Variants in ANK2 observed in about 807,000 individuals in gnomAD.
ANK2 encodes ankyrin-2.
ANK2 carries 83 observed loss-of-function variants against 360.5 expected under a neutral mutation model. The observed-to-expected ratio is 0.23, with a 90% confidence interval of 0.19 to 0.28. The LOEUF (loss-of-function observed/expected upper bound fraction) is 0.28, where lower values mean the gene tolerates loss of function less well. Ranked by LOEUF, ANK2 falls within the 10% of genes least tolerant of loss-of-function variation. The probability of loss-of-function intolerance (pLI) is 1.00; values close to 1 mark genes in which losing one functional copy is unlikely to be tolerated. For missense variants in ANK2, 4,201 were observed against 4,795.7 expected, an observed-to-expected ratio of 0.88 and a Z score of 3.66; for synonymous variants, 1,740 against 1,759.5, an observed-to-expected ratio of 0.99 and a Z score of 0.28.
intron 1 of ANK2, among the ~76,000 whole-genome samples, chr4:113,051,159 C>T (rs548337090): frequency 6.7e-6 from 1 of 150,302 alleles, no homozygotes; most frequent in East Asian, 2.0e-4. Flanking sequence ...AATTGAACAA[C>T]ATAAAAAAAG....
chr4:113,055,189 T>C (rs1310052278), intron 1 of ANK2, among the ~76,000 whole-genome samples: 1 of 151,982 alleles, frequency 6.6e-6, no homozygotes, highest in Non-Finnish European at 1.5e-5. Flanking sequence ...CCCCAGGAGT[T>C]TGAGACCAGC....
chr4:112,860,449 A>G (rs2067643998), intron 1 of ANK2, among the ~76,000 whole-genome samples: 1 of 152,054 alleles, frequency 6.6e-6, no homozygotes, highest in Non-Finnish European at 1.5e-5. Flanking sequence ...CTGGTCTCGA[A>G]CTCCTGACCT....
chr4:112,876,940 C>G (rs985393684), intron 1 of ANK2, among the ~76,000 whole-genome samples: 3 of 152,120 alleles, frequency 2.0e-5, no homozygotes, highest in African/African-American at 7.2e-5. Flanking sequence ...CTGAAAATGA[C>G]ATGGAACTGC....
At chr4:112,903,598 G>A (rs951832955) in intron 1 of ANK2, among the ~76,000 whole-genome samples, 1 of 152,152 alleles carries the variant, frequency 6.6e-6, no homozygotes, top group Non-Finnish European at 1.5e-5. Context: ...TACCAGAGGT[G>A]AAATCAAATC....
chr4:113,117,500 C>A, intron 1 of ANK2: 1 of 436,512 alleles, frequency 2.3e-6, no homozygotes, highest in South Asian at 1.6e-5. Flanking sequence ...CTTCATCCTC[C>A]CTTCCTTCCA....
the ANK2 span, among the ~76,000 whole-genome samples, chr4:112,741,357 T>C: frequency 2.0e-5 from 3 of 152,126 alleles, no homozygotes; most frequent in East Asian, 5.8e-4. Flanking sequence ...AGCCCAAGCA[T>C]CCCTTCAGTT....
the ANK2 span, among the ~76,000 whole-genome samples, chr4:112,754,809 T>A: frequency 6.6e-6 from 1 of 152,058 alleles, no homozygotes; most frequent in African/African-American, 2.4e-5. Context: ...GAGTGAGGGG[T>A]TCATGTAAAG....
chr4:112,858,302 A>T (rs193011935), intron 1 of ANK2, among the ~76,000 whole-genome samples: 65 of 152,316 alleles, frequency 4.3e-4, no homozygotes, highest in African/African-American at 1.6e-3. Context: ...TAAGGTTAGT[A>T]AAAAATAGAA....
At chr4:113,280,802 C>A (rs927718355) in intron 17 of ANK2, among the ~76,000 whole-genome samples, 1 of 152,154 alleles carries the variant, frequency 6.6e-6, no homozygotes, top group Non-Finnish European at 1.5e-5. Flanking sequence ...CTTTGATGAT[C>A]GCTTATGTTG....
At chr4:113,052,060 T>G (rs1296477859) in intron 1 of ANK2, among the ~76,000 whole-genome samples, 1 of 152,208 alleles carries the variant, frequency 6.6e-6, no homozygotes, top group Non-Finnish European at 1.5e-5. Flanking sequence ...TATGCTATAA[T>G]TGGAAACTTT....
intron 2 of ANK2, among the ~76,000 whole-genome samples, chr4:112,960,343 C>A (rs1161381588): frequency 6.7e-6 from 1 of 149,004 alleles, no homozygotes; most frequent in Non-Finnish European, 1.5e-5. Flanking sequence ...GCATTAGTGT[C>A]TGCCTTTTTT....
chr4:112,746,214 GA>G, the ANK2 span, among the ~76,000 whole-genome samples: 6 of 151,924 alleles, frequency 3.9e-5, no homozygotes, highest in African/African-American at 1.5e-4. Context: ...TAAAACAATT[GA>G]AAAATTATAT....
At chr4:112,947,760 GTTC>G (rs1377666379) in intron 2 of ANK2, among the ~76,000 whole-genome samples, 8 of 152,178 alleles carry the variant, frequency 5.3e-5, no homozygotes, top group Non-Finnish European at 7.4e-5. Flanking sequence ...TAACTGCAGT[GTTC>G]TTCTTTGGAT....
chr4:113,313,790 G>GGGGGGC (rs1554478780), intron 24 of ANK2: 3 of 143,258 alleles, frequency 2.1e-5, no homozygotes, highest in African/African-American at 8.5e-5. Context: ...TGCCGGGGCG[G>GGGGGGC]GGGGTGAGGG....
the ANK2 span, among the ~76,000 whole-genome samples, chr4:112,768,864 T>TACATG: frequency 6.6e-6 from 1 of 152,340 alleles, no homozygotes; most frequent in East Asian, 1.9e-4. Flanking sequence ...TTTCTTTATG[T>TACATG]ACATGACCTG....
At chr4:112,894,187 C>A (rs2081050519) in intron 1 of ANK2, among the ~76,000 whole-genome samples, 1 of 152,056 alleles carries the variant, frequency 6.6e-6, no homozygotes, top group African/African-American at 2.4e-5. Flanking sequence ...CAAATTCTCT[C>A]ATTTCTTGAG....
chr4:113,323,692 T>G, intron 26 of ANK2: 11 of 1,476,802 alleles, frequency 7.4e-6, no homozygotes, highest in East Asian at 2.3e-5. Context: ...AAGTCACTTC[T>G]GAGTTCCTTC....
chr4:113,213,882 G>A (rs377597680), intron 4 of ANK2, among the ~76,000 whole-genome samples: 1 of 151,788 alleles, frequency 6.6e-6, no homozygotes, highest in South Asian at 2.1e-4. Context: ...TCAATCCCTA[G>A]CCAGTGCAAT....
intron 5 of ANK2, 63 bp from the exon 6 acceptor site, chr4:113,236,924 T>G: frequency 2.0e-6 from 3 of 1,530,254 alleles, no homozygotes; most frequent in Non-Finnish European, 2.7e-6. Context: ...GCATCATTGC[T>G]TAGAACTAAA....
Sources: gnomAD v4.1 joint callset for allele counts (sites outside exome capture counted in the v4.1 genomes callset) on GRCh38, gnomAD v4.1.1 for gene constraint, MANE v1.5 for transcripts, NCBI Gene and HGNC (gene_info 2026-07-23, HGNC 2026-07-21) for gene names.